The following TENM2 variants were observed in gnomAD, a reference collection of about 807,000 sequenced individuals.
TENM2 encodes teneurin transmembrane protein 2, also known as teneurin-2.
Under a neutral mutation model 245.2 loss-of-function variants are expected in TENM2, and 52 were observed. That is an observed-to-expected ratio of 0.21 (90% CI 0.17 to 0.27). The LOEUF (loss-of-function observed/expected upper bound fraction) is 0.27, where lower values mean the gene tolerates loss of function less well. Ranked by LOEUF, TENM2 falls within the 10% of genes least tolerant of loss-of-function variation. The pLI, the probability that TENM2 is intolerant of heterozygous loss-of-function variation, is 1.00. For synonymous variants in TENM2, 1,363 were observed against 1,438.9 expected (o/e 0.95, Z 1.19); for missense variants, 3,046 against 3,666.8 (o/e 0.83, Z 4.37).
chr5:167,754,977 G>A, intron 2 of TENM2: 2 of 1,554,872 alleles, frequency 1.3e-6, no homozygotes, highest in African/African-American at 1.3e-5. Flanking sequence ...AGCTGTGTCA[G>A]ACTGGGACTG....
At chr5:167,160,928 A>T in the TENM2 span, among the ~76,000 whole-genome samples, 2 of 152,248 alleles carry the variant, frequency 1.3e-5, no homozygotes, top group Non-Finnish European at 2.9e-5. Flanking sequence ...CACACAGCTT[A>T]TAAGCATCAA....
At position 168,105,938 on chromosome 5, in the gene TENM2, G is replaced by C. The variant is rs932858752; in HGVS notation, c.1813+7811G>C. ...TTATGTGAAGGCTTTAACTTCAGGTGCTTCCTCGGATTGTTTGTAAAGCAG... is the reference window on the plus strand; with the variant it reads ...TTATGTGAAGGCTTTAACTTCAGGTCCTTCCTCGGATTGTTTGTAAAGCAG... On this transcript the variant is annotated intron_variant, in intron 9 of 28. Coordinates refer to ENST00000518659, the Ensembl canonical transcript of TENM2. 2.0e-5 allele frequency among the ~76,000 whole-genome samples: 3 copies of C among 152,220 alleles called. No individual in the cohort carries two copies. In the South Asian group the frequency reaches 6.2e-4, roughly 32 times the overall value.
At chr5:167,695,277 T>C (rs189259329) in intron 2 of TENM2, among the ~76,000 whole-genome samples, 212 of 152,334 alleles carry the variant, frequency 1.4e-3, no homozygotes, top group African/African-American at 4.8e-3. Flanking sequence ...CTGTTGCTAC[T>C]ACTCAGTTCA....
exon 21 of TENM2, chr5:168,215,204 T>A (rs1338036898): frequency 6.2e-7 from 1 of 1,613,900 alleles, no homozygotes; most frequent in Non-Finnish European, 8.5e-7. Context: ...GAGCAGTGTC[T>A]ACCCTTTGAT....
chr5:168,252,074 A>G (rs1767164701), intron 27 of TENM2, among the ~76,000 whole-genome samples: 1 of 152,210 alleles, frequency 6.6e-6, no homozygotes, highest in Non-Finnish European at 1.5e-5. Flanking sequence ...ATATGAGAAG[A>G]AAGAGTGTAA....
intron 5 of TENM2, among the ~76,000 whole-genome samples, chr5:168,033,521 G>T (rs929010231): frequency 3.3e-5 from 5 of 152,050 alleles, no homozygotes; most frequent in African/African-American, 1.2e-4. Flanking sequence ...CACTGTTTAT[G>T]ACTATTATCA....
chr5:167,353,559 G>C lies in TENM2; in HGVS notation c.227-21639G>C, dbSNP rs187523192. 5.1e-3 allele frequency among the ~76,000 whole-genome samples: 676 copies of C among 132,808 alleles called. 2 individuals are homozygous for C. The highest frequency in any genetic ancestry group is 7.3e-3 in the Non-Finnish European group (464 of 63,756). 87.1% of individuals were successfully genotyped at this position (132,808 alleles called of 152,430 possible). Reference sequence around the variant, plus strand: ...GTCTCGCTCTGTCGCCCAGGCTGGAGTGCAGTGGCGGGATCTCGGCTCACT... The same window carrying C: ...GTCTCGCTCTGTCGCCCAGGCTGGACTGCAGTGGCGGGATCTCGGCTCACT... On this transcript the variant is annotated intron_variant, in intron 1 of 28. Transcript: ENST00000518659.
the TENM2 span, among the ~76,000 whole-genome samples, chr5:167,279,652 T>G: frequency 6.6e-6 from 1 of 152,048 alleles, no homozygotes; most frequent in African/African-American, 2.4e-5. Context: ...TCCTCTTTGC[T>G]GTTAAGTCAA....
At chr5:167,989,824 A>G (rs959869980) in intron 4 of TENM2, among the ~76,000 whole-genome samples, 4 of 152,192 alleles carry the variant, frequency 2.6e-5, no homozygotes, top group Non-Finnish European at 5.9e-5. Context: ...GGAGTTGGGC[A>G]TGTAAAGGAA....
chr5:167,115,450 T>C, the TENM2 span, among the ~76,000 whole-genome samples: 2 of 152,220 alleles, frequency 1.3e-5, no homozygotes, highest in Non-Finnish European at 2.9e-5. Context: ...CCACGGTCCC[T>C]CAGGGCCTCA....
chr5:167,030,499 A>C, the TENM2 span, among the ~76,000 whole-genome samples: 1 of 151,992 alleles, frequency 6.6e-6, no homozygotes, highest in African/African-American at 2.4e-5. Flanking sequence ...ACCCAGCTTT[A>C]CTTTTCATTA....
At chr5:167,448,052 A>G (rs1032748685) in intron 2 of TENM2, among the ~76,000 whole-genome samples, 19 of 152,166 alleles carry the variant, frequency 1.2e-4, no homozygotes, top group African/African-American at 4.6e-4. Context: ...TGGGATAAAA[A>G]TTCCTTTCCC....
chr5:167,686,404 A>G (rs1237971155), intron 2 of TENM2, among the ~76,000 whole-genome samples: 2 of 152,164 alleles, frequency 1.3e-5, no homozygotes, highest in East Asian at 3.9e-4. Context: ...TTTAAGAGTC[A>G]TTTCTTCTCA....
chr5:168,070,524 A>G (rs921042151), intron 7 of TENM2, among the ~76,000 whole-genome samples: 2 of 151,878 alleles, frequency 1.3e-5, no homozygotes, highest in Non-Finnish European at 1.5e-5. Flanking sequence ...GCACATGCCT[A>G]TAATCCTGGC....
At chr5:167,023,363 T>A in the TENM2 span, among the ~76,000 whole-genome samples, 1 of 152,234 alleles carries the variant, frequency 6.6e-6, no homozygotes, top group Non-Finnish European at 1.5e-5. Context: ...ATTGCTCACA[T>A]TATACCTGTC....
chr5:167,566,906 T>A (rs780180691), intron 2 of TENM2, among the ~76,000 whole-genome samples: 14 of 152,154 alleles, frequency 9.2e-5, no homozygotes, highest in African/African-American at 3.4e-4. Context: ...CCAATTACTA[T>A]GCAAAACAGA....
At chr5:167,462,050 G>A (rs1286386214) in intron 2 of TENM2, among the ~76,000 whole-genome samples, 1 of 152,130 alleles carries the variant, frequency 6.6e-6, no homozygotes, top group Non-Finnish European at 1.5e-5. Context: ...AAGTTTAAGA[G>A]CCAATTGATT....
chr5:167,243,547 T>A, the TENM2 span, among the ~76,000 whole-genome samples: 1 of 152,160 alleles, frequency 6.6e-6, no homozygotes, highest in Non-Finnish European at 1.5e-5. Context: ...CGTGGTTGTA[T>A]TCAAATGCTA....
intron 2 of TENM2, among the ~76,000 whole-genome samples, chr5:167,815,646 C>T (rs1766989511): frequency 6.6e-6 from 1 of 152,114 alleles, no homozygotes; most frequent in South Asian, 2.1e-4. Flanking sequence ...CCTACAAAGC[C>T]TTCCTTAGAA....
Sources: gnomAD v4.1 joint callset for allele counts (sites outside exome capture counted in the v4.1 genomes callset) on GRCh38, gnomAD v4.1.1 for gene constraint, MANE v1.5 for transcripts, NCBI Gene and HGNC (gene_info 2026-07-23, HGNC 2026-07-21) for gene names.